TYRP1: variants seen among roughly 807,000 people sequenced by gnomAD.
TYRP1 encodes 5,6-dihydroxyindole-2-carboxylic acid oxidase.
A neutral mutation model predicts 42.8 loss-of-function variants in TYRP1; 49 were observed. The observed-to-expected ratio is 1.14, with a 90% CI of 0.91 to 1.45. TYRP1 has a LOEUF of 1.45. Ranked by LOEUF, TYRP1 falls within the 40% of genes most tolerant of loss-of-function variation. The pLI is 0.00. For missense variants in TYRP1, 848 were observed against 662.0 expected (o/e 1.28, Z -3.08); for synonymous variants, 279 against 235.4 (o/e 1.19, Z -1.69).
intron 6 of TYRP1, among the ~76,000 whole-genome samples, chr9:12,706,542 T>G (rs1029302583): frequency 1.3e-5 from 2 of 151,976 alleles, no homozygotes; most frequent in African/African-American, 4.8e-5. Flanking sequence ...ACTTGAATTG[T>G]AGTGGGAAGA....
At chr9:12,697,599 G>A (rs113373118) in intron 3 of TYRP1, among the ~76,000 whole-genome samples, 4 of 152,076 alleles carry the variant, frequency 2.6e-5, no homozygotes, top group African/African-American at 9.7e-5. Flanking sequence ...TAAAACAATT[G>A]CAATCCCTAC....
At chr9:12,706,965 A>G (rs1250774760) in intron 6 of TYRP1, among the ~76,000 whole-genome samples, 2 of 151,946 alleles carry the variant, frequency 1.3e-5, no homozygotes, top group Non-Finnish European at 2.9e-5. Flanking sequence ...GATAAAGAAA[A>G]GTGGAGTCAT....
At position 12,698,444 on chromosome 9, in the gene TYRP1, G is replaced by A. The variant is rs749452154; in HGVS notation, c.709-7G>A. The A allele has an allele frequency of 1.2e-6, 2 of 1,612,904 alleles. No individual in the cohort carries two copies. Among genetic ancestry groups the A allele is most frequent in the South Asian group, 1.1e-5 (1 of 91,062 alleles). On this transcript the variant is annotated splice_region_variant and splice_polypyrimidine_tract_variant and intron_variant, in intron 3 of 7. Transcript: ENST00000388918. ...CAGAGAGTATTAATGTGGTTTCTGT[G>A]ATCTAGGAAATGTTGCAAGAGCCTT...
chr9:12,706,518 A>C (rs901640228), intron 6 of TYRP1, among the ~76,000 whole-genome samples: 2 of 152,040 alleles, frequency 1.3e-5, no homozygotes, highest in African/African-American at 4.8e-5. Context: ...TGTGTAGCAT[A>C]AGGTTTCTCA....
chr9:12,708,159 G>A lies in TYRP1; in HGVS notation c.1408+16G>A. Reference sequence around the variant, plus strand: ...CAATGGCCAAGTGAGTGTTGAAAGTGTATTTTTACTGTGATAATTTCCAAA... The same window carrying A: ...CAATGGCCAAGTGAGTGTTGAAAGTATATTTTTACTGTGATAATTTCCAAA... On this transcript the variant is annotated intron_variant, in intron 7 of 7. Coordinates refer to ENST00000388918, the MANE Select transcript of TYRP1 (RefSeq NM_000550.3). 6.2e-7 allele frequency: 1 copy of A among 1,612,122 alleles called. No individual in the cohort carries two copies.
Position 12,693,954 on chromosome 9 carries a change from G to T in TYRP1, c.-43G>T. 1 of 1,611,534 alleles carries T rather than the reference G, an allele frequency of 6.2e-7. No individual in the cohort carries two copies. Among genetic ancestry groups the T allele is most frequent in the Non-Finnish European group, 8.5e-7 (1 of 1,179,614 alleles). ...TGCTTCAGTCTTCTCTACACAAAGA[G>T]CTGCAAACCAGGTCTTTGTTTTGCA... is the stretch of plus-strand genomic sequence containing the variant. On this transcript the variant is annotated 5_prime_UTR_variant, in exon 2 of 8. Coordinates refer to ENST00000388918, the MANE Select transcript of TYRP1 (RefSeq NM_000550.3).
chr9:12,708,089 A>G lies in TYRP1; in HGVS notation c.1354A>G (p.Met452Val), dbSNP rs761776915. ...CTGGCCCCCAGTCACCAACACAGAA[A>G]TGTTTGTTACTGCTCCAGACAACCT... ...PFWPPVTNTE[M>V]FVTAPDNLGY... Residue 452 changes from methionine (M) to valine (V), a missense_variant, in exon 7 of 8, where the codon ATG becomes GTG. Physicochemically the swap from Met to Val is conservative, Grantham distance 21. Transcript: ENST00000388918. 1.7e-4 allele frequency: 268 copies of G among 1,612,750 alleles called. 1 individual carries two copies. The highest frequency in any genetic ancestry group is 2.1e-4 in the Non-Finnish European group (247 of 1,179,330).
At chr9:12,701,506 G>T (rs1818168300) in intron 4 of TYRP1, 2 of 151,844 alleles carry the variant, frequency 1.3e-5, no homozygotes, top group African/African-American at 4.8e-5. Flanking sequence ...CATTTCCTCT[G>T]CCTAAAATGT....
chr9:12,702,555 T>G, intron 5 of TYRP1, 117 bp downstream of exon 5: 1 of 1,073,228 alleles, frequency 9.3e-7, no homozygotes, highest in Middle Eastern at 2.4e-4. Flanking sequence ...TGTGTTTATG[T>G]GAATGAGATT....
intron 4 of TYRP1, among the ~76,000 whole-genome samples, chr9:12,699,368 C>G (rs1039968637): frequency 2.6e-5 from 4 of 152,008 alleles, no homozygotes; most frequent in African/African-American, 9.7e-5. Flanking sequence ...GTGGTAGTAA[C>G]ACAAGGTTTA....
intron 3 of TYRP1, among the ~76,000 whole-genome samples, chr9:12,696,727 T>C (rs1818085181): frequency 6.6e-6 from 1 of 152,160 alleles, no homozygotes; most frequent in East Asian, 1.9e-4. Flanking sequence ...AACTGCTCTG[T>C]TCCTTGAGAA....
Position 12,710,032 on chromosome 9 carries a change from ATTATC to A in TYRP1, c.*856_*860del, listed in dbSNP as rs1393542233. 1 of 151,846 alleles carries A rather than the reference ATTATC, an allele frequency of 6.6e-6. No individual in the cohort carries two copies. The highest frequency in any genetic ancestry group is 1.5e-5 in the Non-Finnish European group (1 of 67,842). The allele number at this position is 151,846 out of a possible 1,614,324, so 9.4% of individuals were successfully genotyped here. A position where few individuals can be genotyped will look rare whatever the true frequency, so the allele number is the denominator to read the frequency against. ...AATCACTGTGCTTAATTTAAATAGC[ATTATC>A]TTATCATTTATCAGCCTTTTATGTA... On this transcript the variant is annotated 3_prime_UTR_variant, in exon 8 of 8. Coordinates refer to ENST00000388918, the MANE Select transcript of TYRP1 (RefSeq NM_000550.3).
intron 3 of TYRP1, 117 bp downstream of exon 3, chr9:12,695,954 A>C: frequency 2.8e-6 from 3 of 1,067,896 alleles, no homozygotes; most frequent in Non-Finnish European, 4.2e-6. Flanking sequence ...AAGCAATTTT[A>C]TGTTACTAAC....
At chr9:12,694,941 G>GAGAT (rs1221898781) in intron 2 of TYRP1, among the ~76,000 whole-genome samples, 6 of 152,248 alleles carry the variant, frequency 3.9e-5, no homozygotes, top group South Asian at 2.1e-4. Flanking sequence ...TTCTATGTGC[G>GAGAT]AGATAGTAGA....
chr9:12,706,032 C>T (rs1225322225), intron 6 of TYRP1, among the ~76,000 whole-genome samples: 1 of 151,936 alleles, frequency 6.6e-6, no homozygotes, highest in East Asian at 1.9e-4. Flanking sequence ...CAAATCTTTC[C>T]AAAATGTTCA....
chr9:12,698,758 A>C (rs906860396), intron 4 of TYRP1, 103 bp downstream of exon 4: 7 of 1,109,072 alleles, frequency 6.3e-6, no homozygotes, highest in Admixed American at 4.0e-5. Context: ...TTCAGACTAA[A>C]ATCTACTTTT....
chr9:12,707,751 C>A (rs776978467), intron 6 of TYRP1: 32 of 411,160 alleles, frequency 7.8e-5, no homozygotes, highest in Non-Finnish European at 1.4e-4. Context: ...TGATGAAATA[C>A]TAAAACTCCC....
chr9:12,703,868 G>A (rs1278057082), intron 5 of TYRP1, among the ~76,000 whole-genome samples: 1 of 125,214 alleles, frequency 8.0e-6, no homozygotes, highest in African/African-American at 3.0e-5. Flanking sequence ...CCTTATATAT[G>A]GAATATATAT....
At chr9:12,700,169 G>T (rs1313467376) in intron 4 of TYRP1, 1 of 151,928 alleles carries the variant, frequency 6.6e-6, no homozygotes, top group Non-Finnish European at 1.5e-5. Flanking sequence ...CATTGATATA[G>T]TATCCTATTT....
Sources: allele counts gnomAD v4.1 joint callset (sites outside exome capture counted in the v4.1 genomes callset), GRCh38; gene constraint gnomAD v4.1.1; transcripts MANE v1.5; gene names NCBI Gene and HGNC (gene_info 2026-07-23, HGNC 2026-07-21).